VAV1: variants seen among roughly 807,000 people sequenced by gnomAD.
VAV1 encodes the protein vav guanine nucleotide exchange factor 1.
In VAV1, 33 loss-of-function variants were observed where a neutral mutation model predicts 128.1. That is an observed-to-expected ratio of 0.26 (90% CI 0.20 to 0.34). The LOEUF (loss-of-function observed/expected upper bound fraction) is 0.34, where lower values mean the gene tolerates loss of function less well. Among genes scored for constraint, VAV1 ranks in the 10% least tolerant of loss-of-function variants. The pLI is 1.00. For missense variants in VAV1, 715 were observed against 1,093.7 expected (o/e 0.65, Z 4.88); for synonymous variants, 394 against 409.8 (o/e 0.96, Z 0.47).
rs1215778365 is a variant in VAV1 at position 6,777,031 on chromosome 19, A to G, written c.204+4020A>G. Among the ~76,000 whole-genome samples the G allele has an allele frequency of 2.0e-5, 3 of 151,492 alleles. No individual in the cohort carries two copies. Among genetic ancestry groups the G allele is most frequent in the Admixed American group, 6.6e-5 (1 of 15,146 alleles). ...CAGCCTTCCAAAGTGCTGGGATTAC[A>G]GGTGTGAGCCATACGCCCGGCCCAT... On this transcript the variant is annotated intron_variant, in intron 1 of 26. Transcript: ENST00000602142. This position sits in a 1 kb window ranked among gnomAD's most constrained non-coding sequence, Gnocchi z 4.4.
intron 6 of VAV1, among the ~76,000 whole-genome samples, chr19:6,824,823 C>G (rs1274412130): frequency 6.6e-6 from 1 of 152,220 alleles, no homozygotes; most frequent in Non-Finnish European, 1.5e-5. Flanking sequence ...AGCCACCGCA[C>G]CTGGCCGGAC....
chr19:6,774,230 T>C (rs1271368781), intron 1 of VAV1, among the ~76,000 whole-genome samples: 10 of 151,966 alleles, frequency 6.6e-5, no homozygotes, highest in Middle Eastern at 3.4e-3. Context: ...CAGGTTCACG[T>C]CATTCTCCTG....
intron 1 of VAV1, among the ~76,000 whole-genome samples, chr19:6,792,295 C>G (rs1196306819): frequency 2.6e-5 from 4 of 151,480 alleles, no homozygotes. Context: ...GGATCCAGCT[C>G]ACATTTTCAT....
intron 1 of VAV1, among the ~76,000 whole-genome samples, chr19:6,775,896 A>T (rs529745516): frequency 6.6e-6 from 1 of 152,282 alleles, no homozygotes; most frequent in African/African-American, 2.4e-5. Flanking sequence ...TGCAGGCTGG[A>T]ATGAGAATTC....
intron 22 of VAV1, among the ~76,000 whole-genome samples, chr19:6,844,268 G>A (rs903509414): frequency 3.3e-5 from 5 of 151,186 alleles, no homozygotes; most frequent in African/African-American, 1.2e-4. Context: ...GCCCAGGCTG[G>A]AGCGCAATGG....
intron 1 of VAV1, among the ~76,000 whole-genome samples, chr19:6,781,852 C>T (rs1970773736): frequency 6.6e-6 from 1 of 152,124 alleles, no homozygotes; most frequent in Admixed American, 6.6e-5. Context: ...GAGTGATCCA[C>T]CCGTCTTGGC....
At chr19:6,850,627 G>A in intron 23 of VAV1, 43 bp from the exon 24 acceptor site, 1 of 1,592,192 alleles carries the variant, frequency 6.3e-7, no homozygotes, top group Non-Finnish European at 8.6e-7. Context: ...TGGGGAATGG[G>A]CCTGGTCCCC....
chr19:6,825,364 G>A lies in VAV1; in HGVS notation c.785G>A (p.Gly262Asp). 1 of 1,613,864 alleles carries A rather than the reference G, an allele frequency of 6.2e-7. No individual in the cohort carries two copies. The highest frequency in any genetic ancestry group is 8.5e-7 in the Non-Finnish European group (1 of 1,179,920). ...ATGAAGGAAGCCCTGGGCACCCCTG[G>A]CGCAGCCAATCTCTACCAGGTCTTC... ...KEMKEALGTP[G>D]AANLYQVFIK... Residue 262 changes from glycine (G) to aspartate (D), a missense_variant, in exon 8 of 27, where the codon GGC (glycine) becomes GAC (aspartate). By Grantham distance (94) the Gly-to-Asp change is moderately conservative. This residue lies in a region of VAV1 where 302 missense variants were observed against 477.8 expected (regional missense o/e 0.63). Coordinates refer to ENST00000602142, the MANE Select transcript of VAV1 (RefSeq NM_005428.4).
chr19:6,803,220 C>A (rs572664626), intron 1 of VAV1, among the ~76,000 whole-genome samples: 49 of 152,336 alleles, frequency 3.2e-4, no homozygotes, highest in African/African-American at 1.2e-3. Context: ...AGGGCTACCC[C>A]ACAGGCTGTG....
At chr19:6,799,324 C>A (rs767776261) in intron 1 of VAV1, among the ~76,000 whole-genome samples, 1 of 152,060 alleles carries the variant, frequency 6.6e-6, no homozygotes, top group Non-Finnish European at 1.5e-5. Context: ...TGCGCCACCA[C>A]GCCTGGCTAA....
At chr19:6,833,681 G>A (rs369165133) in intron 17 of VAV1, 30 bp from the exon 18 acceptor site, 58 of 1,613,994 alleles carry the variant, frequency 3.6e-5, no homozygotes, top group Middle Eastern at 1.6e-4. Context: ...AGGATTTCCC[G>A]TTCTCACCAT....
chr19:6,838,070 T>C (rs1249147412), intron 21 of VAV1, among the ~76,000 whole-genome samples: 1 of 151,336 alleles, frequency 6.6e-6, no homozygotes, highest in East Asian at 1.9e-4. Flanking sequence ...AGAGCTGTCC[T>C]TTCTGCCCTC....
chr19:6,839,669 A>T lies in VAV1; in HGVS notation c.1980+2619A>T, dbSNP rs113962174. Among the ~76,000 whole-genome samples the T allele has an allele frequency of 2.5e-3, 378 of 152,254 alleles. 2 individuals carry two copies. The highest frequency in any genetic ancestry group is 0.017 in the Middle Eastern group (5 of 294). On this transcript the variant is annotated intron_variant, in intron 21 of 26. Coordinates refer to ENST00000602142, the MANE Select transcript of VAV1 (RefSeq NM_005428.4). ...TATTATTATTTTTGATTATGGCAAA[A>T]TATATAGAACATAAAAGTTAACAAT...
chr19:6,815,795 C>G (rs543009613), intron 1 of VAV1, among the ~76,000 whole-genome samples: 1 of 151,968 alleles, frequency 6.6e-6, no homozygotes, highest in Non-Finnish European at 1.5e-5. Context: ...GGGAGGAGTC[C>G]ATGTTATCTC....
intron 1 of VAV1, among the ~76,000 whole-genome samples, chr19:6,801,035 C>T (rs933798576): frequency 2.6e-5 from 4 of 152,180 alleles, no homozygotes; most frequent in African/African-American, 9.7e-5. Context: ...TCTGTGCTTC[C>T]CGGCACACCC....
intron 24 of VAV1, among the ~76,000 whole-genome samples, chr19:6,851,680 T>C (rs1053552096): frequency 6.6e-6 from 1 of 152,160 alleles, no homozygotes; most frequent in African/African-American, 2.4e-5. Context: ...CTTGCTTCTG[T>C]TTGGTGCCTT....
chr19:6,850,162 A>AT (rs966134895), intron 23 of VAV1, among the ~76,000 whole-genome samples: 1 of 113,360 alleles, frequency 8.8e-6, no homozygotes, highest in Non-Finnish European at 1.9e-5. Context: ...GAGCTCAGCA[A>AT]TTTTTTTCTC....
intron 1 of VAV1, among the ~76,000 whole-genome samples, chr19:6,819,050 A>C (rs961592432): frequency 6.6e-6 from 1 of 152,106 alleles, no homozygotes; most frequent in Non-Finnish European, 1.5e-5. Flanking sequence ...TGGGAGGTGG[A>C]GGTTGCAGTG....
At chr19:6,783,348 C>T (rs1329153006) in intron 1 of VAV1, among the ~76,000 whole-genome samples, 1 of 152,028 alleles carries the variant, frequency 6.6e-6, no homozygotes, top group African/African-American at 2.4e-5. Flanking sequence ...TCTCTAGGGC[C>T]GAGGCTCCAT....
Sources: gnomAD v4.1 joint callset for allele counts (sites outside exome capture counted in the v4.1 genomes callset) on GRCh38, gnomAD v4.1.1 for gene constraint, gnomAD v4.1.1 regional missense constraint, Gnocchi (gnomAD v3.1) non-coding constraint, MANE v1.5 for transcripts, NCBI Gene and HGNC (gene_info 2026-07-23, HGNC 2026-07-21) for gene names.